Variants in PDE4D observed in about 807,000 individuals in gnomAD.
PDE4D encodes the protein phosphodiesterase 4D.
In PDE4D, 24 loss-of-function variants were observed where a neutral mutation model predicts 87.4. The ratio of observed to expected loss-of-function variants is 0.27; its 90% CI spans 0.20 to 0.39. PDE4D has a LOEUF of 0.39. PDE4D is among the 10% of genes least tolerant of loss of function. PDE4D has a pLI of 1.00. For synonymous variants in PDE4D, 384 were observed against 383.2 expected, an observed-to-expected ratio of 1.00 and a Z score of -0.02; for missense variants, 714 against 1,041.0, an observed-to-expected ratio of 0.69 and a Z score of 4.32.
At chr5:59,959,114 GCA>G (rs70975352) in intron 3 of PDE4D, among the ~76,000 whole-genome samples, 1 of 150,460 alleles carries the variant, frequency 6.6e-6, no homozygotes, top group African/African-American at 2.4e-5. Flanking sequence ...ACACGCAGGT[GCA>G]CACACACACA....
At chr5:60,212,701 T>G (rs548776509) in intron 1 of PDE4D, among the ~76,000 whole-genome samples, 2 of 152,322 alleles carry the variant, frequency 1.3e-5, no homozygotes, top group Non-Finnish European at 2.9e-5. Context: ...GCTAGATCTG[T>G]CCCCACTGCA....
intron 1 of PDE4D, among the ~76,000 whole-genome samples, chr5:60,240,283 C>A (rs1004742407): frequency 1.3e-5 from 2 of 151,912 alleles, no homozygotes; most frequent in African/African-American, 2.4e-5. Context: ...CACAGGAACA[C>A]CAAATGTAAC....
intron 1 of PDE4D, among the ~76,000 whole-genome samples, chr5:60,502,848 T>C (rs1197646362): frequency 6.6e-6 from 1 of 152,214 alleles, no homozygotes; most frequent in East Asian, 1.9e-4. Flanking sequence ...TTTTCAGTTC[T>C]AGATTTAATA....
In PDE4D at chr5:59,836,194, G is replaced by A. The variant is rs536159322; in HGVS notation, c.455+56974C>T. 8.6e-4 allele frequency among the ~76,000 whole-genome samples: 130 copies of A among 152,012 alleles called. 1 individual carries two copies. The highest frequency in any genetic ancestry group is 2.9e-3 in the African/African-American group (119 of 41,494). On this transcript the variant is annotated intron_variant, in intron 1 of 14. Transcript: ENST00000340635. ...ATCACCATCACCATCTTCACCATCA[G>A]TATCATTATTACAAAAGCATCAGCA...
chr5:60,416,754 G>T (rs1742623449), intron 1 of PDE4D, among the ~76,000 whole-genome samples: 1 of 152,234 alleles, frequency 6.6e-6, no homozygotes, highest in South Asian at 2.1e-4. Flanking sequence ...TTCCTTCAGA[G>T]AAATTAATAT....
intron 2 of PDE4D, among the ~76,000 whole-genome samples, chr5:60,150,016 T>C (rs1781363469): frequency 6.8e-6 from 1 of 147,204 alleles, no homozygotes; most frequent in Non-Finnish European, 1.5e-5. Context: ...TTATATATAT[T>C]AGTGTATATA....
chr5:59,452,222 G>A (rs188703231), intron 1 of PDE4D, among the ~76,000 whole-genome samples: 1 of 152,094 alleles, frequency 6.6e-6, no homozygotes. Context: ...CACACTTGAG[G>A]TTTTAGCCTA....
intron 1 of PDE4D, among the ~76,000 whole-genome samples, chr5:59,306,043 G>C (rs1314109709): frequency 6.6e-6 from 1 of 152,108 alleles, no homozygotes. Context: ...AGGTCTGTTA[G>C]TAATTGTTTT....
In PDE4D at chr5:59,807,364, G is replaced by C. The variant is rs558389513; in HGVS notation, c.455+85804C>G. 1.3e-3 allele frequency among the ~76,000 whole-genome samples: 193 copies of C among 152,282 alleles called. 2 individuals carry two copies. Among genetic ancestry groups the C allele is most frequent in the Non-Finnish European group, 1.8e-3 (120 of 68,032 alleles). ...CGTATCAGCTAACAGGGCCTGTGGG[G>C]TCCCATTTCCCCCATGCTTCTTCTA... On this transcript the variant is annotated intron_variant, in intron 1 of 14. Transcript: ENST00000340635.
chr5:59,376,491 C>T (rs1389098644), intron 1 of PDE4D, among the ~76,000 whole-genome samples: 1 of 152,084 alleles, frequency 6.6e-6, no homozygotes, highest in Non-Finnish European at 1.5e-5. Flanking sequence ...GGTGAAAAAT[C>T]TCTACAAGGA....
intron 2 of PDE4D, among the ~76,000 whole-genome samples, chr5:60,035,228 C>T (rs959997821): frequency 1.3e-5 from 2 of 150,270 alleles, no homozygotes; most frequent in Non-Finnish European, 2.9e-5. Context: ...TGCACACCAG[C>T]CTGGGCAACA....
At chr5:59,147,881 T>C (rs946082264) in intron 5 of PDE4D, among the ~76,000 whole-genome samples, 1 of 152,204 alleles carries the variant, frequency 6.6e-6, no homozygotes, top group Non-Finnish European at 1.5e-5. Flanking sequence ...AGTTTTTACT[T>C]AACCTTCCTA....
chr5:59,030,860 G>T (rs1244545713), intron 6 of PDE4D, among the ~76,000 whole-genome samples: 1 of 152,036 alleles, frequency 6.6e-6, no homozygotes, highest in Admixed American at 6.6e-5. Context: ...TTAAGTTCAG[G>T]GGTACATGTG....
intron 1 of PDE4D, among the ~76,000 whole-genome samples, chr5:59,627,085 C>T (rs941142569): frequency 9.2e-5 from 14 of 152,228 alleles, no homozygotes; most frequent in African/African-American, 3.4e-4. Flanking sequence ...AGGGTCTACT[C>T]TACAACCACA....
Position 59,423,799 on chromosome 5 carries a change from T to C in PDE4D, c.456-207831A>G, listed in dbSNP as rs184354384. On this transcript the variant is annotated intron_variant, in intron 1 of 14. Transcript: ENST00000340635. ...AGATGTGGAAGGGAATAGATCATGA[T>C]GGCTGGGAATGTAACCTTTTTTTTT... Among the ~76,000 whole-genome samples, 4 of 147,868 alleles carry C rather than the reference T, an allele frequency of 2.7e-5. No homozygotes were observed. The East Asian group carries it at 7.9e-4, about 29-fold the overall frequency.
At chr5:59,933,100 C>T (rs1756156701) in intron 3 of PDE4D, among the ~76,000 whole-genome samples, 1 of 152,118 alleles carries the variant, frequency 6.6e-6, no homozygotes, top group South Asian at 2.1e-4. Context: ...GCTGGAACAC[C>T]TTGTACTGCA....
intron 1 of PDE4D, among the ~76,000 whole-genome samples, chr5:59,319,300 G>A (rs1227109542): frequency 1.3e-5 from 2 of 151,848 alleles, no homozygotes; most frequent in Non-Finnish European, 2.9e-5. Context: ...CTGAATATTT[G>A]AATTCTAATT....
At chr5:60,423,502 C>T (rs1021437210) in intron 1 of PDE4D, among the ~76,000 whole-genome samples, 1 of 151,996 alleles carries the variant, frequency 6.6e-6, no homozygotes, top group African/African-American at 2.4e-5. Flanking sequence ...CCAACGAGAA[C>T]AAAGACACAA....
At chr5:59,775,540 A>G (rs942615032) in intron 1 of PDE4D, among the ~76,000 whole-genome samples, 1 of 152,314 alleles carries the variant, frequency 6.6e-6, no homozygotes, top group South Asian at 2.1e-4. Context: ...GAAGTCATCC[A>G]CACCAAATGA....
Sources: gnomAD v4.1 joint callset for allele counts (sites outside exome capture counted in the v4.1 genomes callset) on GRCh38, gnomAD v4.1.1 for gene constraint, MANE v1.5 for transcripts, NCBI Gene and HGNC (gene_info 2026-07-23, HGNC 2026-07-21) for gene names.